Variants in MED13L observed in about 807,000 individuals in gnomAD.
MED13L encodes mediator of RNA polymerase II transcription subunit 13-like.
MED13L carries 7 observed loss-of-function variants against 220.9 expected under a neutral mutation model. That is an observed-to-expected ratio of 0.03 (90% CI 0.02 to 0.06). The LOEUF (loss-of-function observed/expected upper bound fraction) is 0.06, where lower values mean the gene tolerates loss of function less well. MED13L is among the 10% of genes least tolerant of loss of function. The probability of loss-of-function intolerance (pLI) is 1.00; values close to 1 mark genes in which losing one functional copy is unlikely to be tolerated. For synonymous variants in MED13L, 1,011 were observed against 1,015.2 expected (o/e 1.00, Z 0.08); for missense variants, 1,965 against 2,760.5 (o/e 0.71, Z 6.46).
chr12:116,089,721 A>T (rs1004998699), intron 4 of MED13L, among the ~76,000 whole-genome samples: 4 of 152,342 alleles, frequency 2.6e-5, no homozygotes, highest in African/African-American at 9.6e-5. Flanking sequence ...GTGGAAATGA[A>T]AAAATATAGT....
At chr12:115,989,408 T>C (rs892556543) in intron 17 of MED13L, among the ~76,000 whole-genome samples, 3 of 152,042 alleles carry the variant, frequency 2.0e-5, no homozygotes, top group Non-Finnish European at 4.4e-5. Flanking sequence ...CTCTGCTTGA[T>C]AGGCTCACGC....
chr12:116,262,401 T>C (rs1872577723), intron 1 of MED13L, among the ~76,000 whole-genome samples: 1 of 152,234 alleles, frequency 6.6e-6, no homozygotes, highest in Non-Finnish European at 1.5e-5. Context: ...ATAGATATTT[T>C]CTAAAATGGG....
chr12:116,062,924 T>C lies in MED13L; in HGVS notation c.479+33745A>G, dbSNP rs564923425. Among the ~76,000 whole-genome samples, 3 of 152,360 alleles carry C rather than the reference T, an allele frequency of 2.0e-5. No individual in the cohort carries two copies. The South Asian group carries it at 6.2e-4, about 32-fold the overall frequency. On this transcript the variant is annotated intron_variant, in intron 4 of 30. Transcript: ENST00000281928. ...CAAATCTGTAAAGTACAAGATGTCCTGTACCCAAGTGGAGATGCTTTTGTG... is the reference window on the plus strand; with the variant it reads ...CAAATCTGTAAAGTACAAGATGTCCCGTACCCAAGTGGAGATGCTTTTGTG...
chr12:116,156,123 T>G (rs1878405567), intron 2 of MED13L, among the ~76,000 whole-genome samples: 1 of 152,074 alleles, frequency 6.6e-6, no homozygotes, highest in South Asian at 2.1e-4. Flanking sequence ...CATTTTTATT[T>G]CTACAAAAAC....
At chr12:116,082,880 T>C (rs1213244632) in intron 4 of MED13L, among the ~76,000 whole-genome samples, 1 of 152,194 alleles carries the variant, frequency 6.6e-6, no homozygotes, top group Non-Finnish European at 1.5e-5. Flanking sequence ...TAATGAATGA[T>C]TTATAGAACA....
Position 115,991,097 on chromosome 12 carries a change from A to G in MED13L, c.3857T>C (p.Val1286Ala). ...FNALEQGRQY[V>A]DNPTGGKVDE... ...CACTTTTCCACCAGTGGGGTTATCC[A>G]CATACTGCCGCCCCTGCTCCAACGC... The change falls in exon 17 of 31, where the codon GTG (valine) becomes GCG (alanine). Residue 1286 changes from valine (V) to alanine (A), a missense_variant. Coordinates refer to ENST00000281928, the MANE Select transcript of MED13L (RefSeq NM_015335.5). This position sits in a 1 kb window ranked among gnomAD's most constrained non-coding sequence, Gnocchi z 7.7. The G allele has an allele frequency of 6.2e-7, 1 of 1,614,182 alleles. No homozygotes were observed. Among genetic ancestry groups the G allele is most frequent in the Non-Finnish European group, 8.5e-7 (1 of 1,180,038 alleles).
chr12:116,213,791 A>G (rs1882845654), intron 2 of MED13L, among the ~76,000 whole-genome samples: 1 of 152,182 alleles, frequency 6.6e-6, no homozygotes. Flanking sequence ...ACCTACACAT[A>G]CTGATCACTA....
At chr12:116,032,229 A>T (rs905731192) in intron 4 of MED13L, among the ~76,000 whole-genome samples, 1 of 152,212 alleles carries the variant, frequency 6.6e-6, no homozygotes, top group South Asian at 2.1e-4. Flanking sequence ...ATGTAATTCT[A>T]ATCAATAGCC....
At chr12:116,135,880 T>C (rs920987318) in intron 2 of MED13L, among the ~76,000 whole-genome samples, 3 of 151,432 alleles carry the variant, frequency 2.0e-5, no homozygotes, top group Non-Finnish European at 4.4e-5. Flanking sequence ...CTGCTTCAAG[T>C]GGGGCTGTTT....
chr12:116,141,956 G>T (rs1181459616), intron 2 of MED13L, among the ~76,000 whole-genome samples: 1 of 151,692 alleles, frequency 6.6e-6, no homozygotes, highest in Non-Finnish European at 1.5e-5. Context: ...CACACCACTT[G>T]AGCCATACTG....
In MED13L at chr12:115,975,328, A is replaced by C. The variant is rs764431242; in HGVS notation, c.5589-15T>G. On this transcript the variant is annotated splice_polypyrimidine_tract_variant and intron_variant, in intron 24 of 30. Coordinates refer to ENST00000281928, the MANE Select transcript of MED13L (RefSeq NM_015335.5). ...TCCTCCGTGACCTAACAAATAAAGAAATGGGGAAGGGGAAGGGGTCCCTAG... is the reference window on the plus strand; with the variant it reads ...TCCTCCGTGACCTAACAAATAAAGACATGGGGAAGGGGAAGGGGTCCCTAG... 2 of 1,614,156 alleles carry C rather than the reference A, an allele frequency of 1.2e-6. No individual in the cohort carries two copies. Among genetic ancestry groups the C allele is most frequent in the Admixed American group, 3.3e-5 (2 of 60,030 alleles).
At chr12:116,162,093 C>G (rs1370627311) in intron 2 of MED13L, among the ~76,000 whole-genome samples, 1 of 152,098 alleles carries the variant, frequency 6.6e-6, no homozygotes, top group Non-Finnish European at 1.5e-5. Flanking sequence ...AATCAAACTG[C>G]AACTGTAAGA....
At chr12:116,271,361 C>T (rs976235285) in intron 1 of MED13L, among the ~76,000 whole-genome samples, 3 of 151,852 alleles carry the variant, frequency 2.0e-5, no homozygotes, top group South Asian at 2.1e-4. Flanking sequence ...GAGGCCGAGG[C>T]GGGAGGATCA....
In MED13L at chr12:116,165,259, C is replaced by CTTTTTTTTTT. The variant is rs34196219; in HGVS notation, c.311-53757_311-53748dup. ...TTAAGGCAATGAAGTAGGCACCATC[C>CTTTTTTTTTT]TTTTTTTTTTTTTTTTTTTTTTTTT... On this transcript the variant is annotated intron_variant, in intron 2 of 30. Transcript: ENST00000281928. Among the ~76,000 whole-genome samples, 63 of 74,490 alleles carry CTTTTTTTTTT rather than the reference C, an allele frequency of 8.5e-4. 2 individuals are homozygous for CTTTTTTTTTT. The highest frequency in any genetic ancestry group is 1.0e-3 in the Admixed American group (7 of 6,810). The allele number at this position is 74,490 out of a possible 152,430, so 48.9% of individuals were successfully genotyped here.
At chr12:116,116,260 G>A (rs1874506148) in intron 2 of MED13L, among the ~76,000 whole-genome samples, 1 of 152,010 alleles carries the variant, frequency 6.6e-6, no homozygotes, top group Non-Finnish European at 1.5e-5. Context: ...TGACTTCTAG[G>A]GAGAAGCGCT....
At chr12:116,067,758 C>T (rs1030797025) in intron 4 of MED13L, among the ~76,000 whole-genome samples, 2 of 152,156 alleles carry the variant, frequency 1.3e-5, no homozygotes, top group Admixed American at 6.5e-5. Flanking sequence ...CAGACACTTG[C>T]GTATTCTCAT....
intron 28 of MED13L, 28 bp downstream of exon 28, chr12:115,968,912 T>A (rs1053892433): frequency 1.2e-6 from 2 of 1,613,308 alleles, no homozygotes; most frequent in Non-Finnish European, 1.7e-6. Flanking sequence ...ATGGTTGTCT[T>A]AAACAACGTA....
At chr12:116,122,942 C>T (rs1418553957) in intron 2 of MED13L, among the ~76,000 whole-genome samples, 2 of 152,148 alleles carry the variant, frequency 1.3e-5, no homozygotes, top group African/African-American at 4.8e-5. Flanking sequence ...AGAAAACAGG[C>T]TGCAATGTTA....
rs199731746 is a variant in MED13L at position 115,993,553 on chromosome 12, A to T, written c.2997-1596T>A. On this transcript the variant is annotated intron_variant, in intron 16 of 30. Coordinates refer to ENST00000281928, the MANE Select transcript of MED13L (RefSeq NM_015335.5). ...CACAGTGGTATCTTTGAGTACAGATAAAAAAAAAAAAATGACCCAGAAAAC... is the reference window on the plus strand; with the variant it reads ...CACAGTGGTATCTTTGAGTACAGATTAAAAAAAAAAAATGACCCAGAAAAC... Among the ~76,000 whole-genome samples the T allele has an allele frequency of 1.1e-4, 16 of 143,510 alleles. No homozygotes were observed. The East Asian group carries it at 2.6e-3, about 23-fold the overall frequency. The allele number at this position is 143,510 out of a possible 152,430, so 94.1% of individuals were successfully genotyped here. A position where few individuals can be genotyped will look rare whatever the true frequency, so the allele number is the denominator to read the frequency against.
Sources: gnomAD v4.1 joint callset for allele counts (sites outside exome capture counted in the v4.1 genomes callset) on GRCh38, gnomAD v4.1.1 for gene constraint, Gnocchi (gnomAD v3.1) non-coding constraint, MANE v1.5 for transcripts, NCBI Gene and HGNC (gene_info 2026-07-23, HGNC 2026-07-21) for gene names.